The following CLSTN2 variants were observed in gnomAD, a reference collection of about 807,000 sequenced individuals.
CLSTN2 encodes calsyntenin 2.
A neutral mutation model predicts 101.2 loss-of-function variants in CLSTN2; 48 were observed. The ratio of observed to expected loss-of-function variants is 0.47; its 90% CI spans 0.38 to 0.60. CLSTN2 has a LOEUF of 0.60. Among genes scored for constraint, CLSTN2 ranks in the 20% least tolerant of loss-of-function variants. CLSTN2 has a pLI of 0.00. For synonymous variants in CLSTN2, 481 were observed against 463.6 expected, an observed-to-expected ratio of 1.04 and a Z score of -0.48; for missense variants, 1,160 against 1,238.2, an observed-to-expected ratio of 0.94 and a Z score of 0.95.
chr3:140,498,366 G>A (rs1934509921), intron 8 of CLSTN2, among the ~76,000 whole-genome samples: 1 of 152,170 alleles, frequency 6.6e-6, no homozygotes, highest in South Asian at 2.1e-4. Context: ...GTGAGGTGCT[G>A]TTGGGTTGCA....
intron 2 of CLSTN2, among the ~76,000 whole-genome samples, chr3:140,182,704 G>C (rs1371144690): frequency 1.3e-5 from 2 of 152,164 alleles, no homozygotes; most frequent in Non-Finnish European, 2.9e-5. Flanking sequence ...AGACCTATCT[G>C]GAATCCACCA....
chr3:140,045,310 A>T (rs967210302), intron 1 of CLSTN2, among the ~76,000 whole-genome samples: 10 of 151,988 alleles, frequency 6.6e-5, no homozygotes, highest in Non-Finnish European at 1.2e-4. Flanking sequence ...TTTCTAGTTT[A>T]TTTGCATGGA....
At chr3:140,045,491 G>A (rs1470450251) in intron 1 of CLSTN2, among the ~76,000 whole-genome samples, 7 of 151,998 alleles carry the variant, frequency 4.6e-5, no homozygotes, top group African/African-American at 1.2e-4. Flanking sequence ...TGGATTCATT[G>A]ATTTTTTGAA....
intron 1 of CLSTN2, among the ~76,000 whole-genome samples, chr3:139,995,486 T>C (rs79533526): frequency 0.046 from 7,005 of 152,258 alleles, 174 homozygotes; most frequent in African/African-American, 0.057. Flanking sequence ...CAGTCTTTTC[T>C]CCTCTCCCCT....
intron 1 of CLSTN2, among the ~76,000 whole-genome samples, chr3:140,040,043 A>C (rs2107763340): frequency 6.6e-6 from 1 of 152,302 alleles, no homozygotes; most frequent in African/African-American, 2.4e-5. Context: ...ATCTTCTATA[A>C]GCCAAGCATT....
In CLSTN2 at chr3:140,138,965, C is replaced by T. The variant is rs115769504; in HGVS notation, c.110-36986C>T. Reference sequence around the variant, plus strand: ...AGAACAGAGAAAGATCCAGGTCCAACTCCAGCTTCGTAATTTACTATCAAT... The same window carrying T: ...AGAACAGAGAAAGATCCAGGTCCAATTCCAGCTTCGTAATTTACTATCAAT... On this transcript the variant is annotated intron_variant, in intron 1 of 16. Coordinates refer to ENST00000458420, the MANE Select transcript of CLSTN2 (RefSeq NM_022131.3). Among the ~76,000 whole-genome samples, 975 of 152,344 alleles carry T rather than the reference C, an allele frequency of 6.4e-3. 6 individuals are homozygous for T. Among genetic ancestry groups the T allele is most frequent in the African/African-American group, 0.022 (917 of 41,580 alleles).
At chr3:140,214,470 T>C (rs1196684813) in intron 2 of CLSTN2, among the ~76,000 whole-genome samples, 1 of 150,484 alleles carries the variant, frequency 6.6e-6, no homozygotes, top group African/African-American at 2.4e-5. Context: ...AAAGAATAGG[T>C]CCACTTTGAA....
intron 8 of CLSTN2, among the ~76,000 whole-genome samples, chr3:140,479,122 A>C (rs1282490590): frequency 6.6e-6 from 1 of 152,234 alleles, no homozygotes; most frequent in Non-Finnish European, 1.5e-5. Context: ...CAGGAAAAGA[A>C]AATGAAAAGA....
chr3:140,311,400 G>C (rs2087167371), intron 2 of CLSTN2, among the ~76,000 whole-genome samples: 1 of 139,836 alleles, frequency 7.2e-6, no homozygotes, highest in Non-Finnish European at 1.5e-5. Flanking sequence ...CTGCCTCCTG[G>C]GTTCAAGCTA....
At chr3:140,374,179 C>T (rs1315959249) in intron 2 of CLSTN2, among the ~76,000 whole-genome samples, 3 of 152,230 alleles carry the variant, frequency 2.0e-5, no homozygotes, top group Non-Finnish European at 2.9e-5. Context: ...CATCACAGAC[C>T]TTTATGATCT....
chr3:140,228,450 G>A (rs1478203638), intron 2 of CLSTN2, among the ~76,000 whole-genome samples: 1 of 152,114 alleles, frequency 6.6e-6, no homozygotes, highest in Non-Finnish European at 1.5e-5. Context: ...AAGTCTCTAG[G>A]AAGTTCCAAA....
At position 140,103,091 on chromosome 3, in the gene CLSTN2, T is replaced by C. The variant is rs533886941; in HGVS notation, c.110-72860T>C. 1.4e-3 allele frequency among the ~76,000 whole-genome samples: 206 copies of C among 152,366 alleles called. 1 individual carries two copies. Among genetic ancestry groups the C allele is most frequent in the South Asian group, 4.8e-3 (23 of 4,830 alleles). ...CCAGCATTATTATTTAATAGTGTGC[T>C]TAAGGCAGACTGACCTCAGTCAGAC... On this transcript the variant is annotated intron_variant, in intron 1 of 16. Coordinates refer to ENST00000458420, the MANE Select transcript of CLSTN2 (RefSeq NM_022131.3).
chr3:140,472,221 G>A (rs1244250978), intron 8 of CLSTN2, among the ~76,000 whole-genome samples: 4 of 152,148 alleles, frequency 2.6e-5, no homozygotes, highest in Non-Finnish European at 4.4e-5. Context: ...GTCACAGCCC[G>A]AGTTCCCCAG....
rs762802481 is a variant in CLSTN2 at position 140,239,667 on chromosome 3, A to C, written c.232+63594A>C. ...GGCATTGCTAATGCAGTATTTTCTA[A>C]AAAGTGCTCCATTTTTGTGTCCAGG... On this transcript the variant is annotated intron_variant, in intron 2 of 16. Transcript: ENST00000458420. 2.6e-4 allele frequency among the ~76,000 whole-genome samples: 39 copies of C among 152,136 alleles called. 1 individual carries two copies. The highest frequency in any genetic ancestry group is 3.1e-4 in the Non-Finnish European group (21 of 68,028).
At chr3:139,984,317 T>C (rs568930835) in intron 1 of CLSTN2, among the ~76,000 whole-genome samples, 51 of 152,274 alleles carry the variant, frequency 3.3e-4, no homozygotes, top group Admixed American at 4.6e-4. Flanking sequence ...ACAAAGAATG[T>C]TATCAAAGAT....
intron 2 of CLSTN2, among the ~76,000 whole-genome samples, chr3:140,270,545 C>G (rs887644010): frequency 1.3e-5 from 2 of 152,124 alleles, no homozygotes; most frequent in African/African-American, 4.8e-5. Flanking sequence ...CTAGTGCCTC[C>G]CATCCAGATG....
At chr3:140,127,981 T>C (rs796361784) in intron 1 of CLSTN2, among the ~76,000 whole-genome samples, 3 of 152,296 alleles carry the variant, frequency 2.0e-5, no homozygotes, top group African/African-American at 4.8e-5. Context: ...AAATTGACTG[T>C]ATCTTAGAAT....
At chr3:140,505,752 C>T (rs1041920949) in intron 8 of CLSTN2, 1 of 152,154 alleles carries the variant, frequency 6.6e-6, no homozygotes, top group Non-Finnish European at 1.5e-5. Flanking sequence ...AGGATTCCAC[C>T]TCTGTTCTCC....
chr3:140,531,503 A>G (rs1324478524), intron 8 of CLSTN2, among the ~76,000 whole-genome samples: 2 of 152,154 alleles, frequency 1.3e-5, no homozygotes, highest in Admixed American at 1.3e-4. Context: ...CACAGATGGC[A>G]GAGTCGATGG....
Sources: allele counts gnomAD v4.1 joint callset (sites outside exome capture counted in the v4.1 genomes callset), GRCh38; gene constraint gnomAD v4.1.1; transcripts MANE v1.5; gene names NCBI Gene and HGNC (gene_info 2026-07-23, HGNC 2026-07-21).